RAP1GAP2: variants seen among roughly 807,000 people sequenced by gnomAD.
RAP1GAP2 encodes the protein RAP1 GTPase activating protein 2, also known as rap1 GTPase-activating protein 2.
In RAP1GAP2, 27 loss-of-function variants were observed where a neutral mutation model predicts 95.0. That is an observed-to-expected ratio of 0.28 (90% confidence interval 0.21 to 0.39). The LOEUF (loss-of-function observed/expected upper bound fraction) is 0.39. Ranked by LOEUF, RAP1GAP2 falls within the 10% of genes least tolerant of loss-of-function variation. RAP1GAP2 has a pLI of 1.00. For missense variants in RAP1GAP2, 771 were observed against 970.0 expected (o/e 0.79, Z 2.72); for synonymous variants, 373 against 380.9 (o/e 0.98, Z 0.24).
chr17:2,762,461 G>T (rs1202444822), intron 1 of RAP1GAP2, among the ~76,000 whole-genome samples: 2 of 144,242 alleles, frequency 1.4e-5, no homozygotes, highest in Non-Finnish European at 3.0e-5. Flanking sequence ...GCAGTGGCAC[G>T]ATCTCGGCTC....
intron 2 of RAP1GAP2, among the ~76,000 whole-genome samples, chr17:2,896,870 C>T (rs1018713441): frequency 5.9e-5 from 9 of 152,334 alleles, no homozygotes; most frequent in Non-Finnish European, 1.3e-4. Flanking sequence ...CTTGTGCCCA[C>T]GTGCAGCCAC....
At chr17:2,792,032 G>A (rs2068939002), upstream of RAP1GAP2, among the ~76,000 whole-genome samples, 2 of 152,010 alleles carry the variant, frequency 1.3e-5, no homozygotes. Context: ...GCTAATTTTT[G>A]TGTTTTTAGT....
At chr17:2,989,510 T>C in intron 11 of RAP1GAP2, among the ~76,000 whole-genome samples, 1 of 152,142 alleles carries the variant, frequency 6.6e-6, no homozygotes, top group Non-Finnish European at 1.5e-5. Context: ...TTTTTGCATT[T>C]TTAGTAGAGA....
intron 2 of RAP1GAP2, among the ~76,000 whole-genome samples, chr17:2,832,161 G>A (rs1349468954): frequency 2.2e-5 from 3 of 136,746 alleles, no homozygotes; most frequent in East Asian, 2.1e-4. Flanking sequence ...CTGAGATCAC[G>A]CCATTGCATT....
At chr17:2,894,895 G>A (rs952614665) in intron 2 of RAP1GAP2, among the ~76,000 whole-genome samples, 3 of 152,088 alleles carry the variant, frequency 2.0e-5, no homozygotes, top group East Asian at 1.9e-4. Context: ...CAGCCGCTCC[G>A]TTCTCTCTCT....
intron 17 of RAP1GAP2, among the ~76,000 whole-genome samples, chr17:3,014,362 G>A (rs1231529575): frequency 6.6e-6 from 1 of 152,130 alleles, no homozygotes; most frequent in Admixed American, 6.5e-5. Flanking sequence ...ATATGGAAAA[G>A]GTACAGTAAA....
intron 19 of RAP1GAP2, among the ~76,000 whole-genome samples, chr17:3,021,580 C>G (rs771427514): frequency 1.2e-4 from 19 of 152,046 alleles, no homozygotes; most frequent in South Asian, 8.3e-4. Flanking sequence ...GGACTACAGG[C>G]GCATGCCACC....
Position 3,017,493 on chromosome 17 carries a change from T to C in RAP1GAP2, c.1495-568T>C, listed in dbSNP as rs567019338. Among the ~76,000 whole-genome samples the C allele has an allele frequency of 2.0e-5, 3 of 152,296 alleles. No homozygotes were observed. The East Asian group carries it at 5.8e-4, about 29-fold the overall frequency. ...AGAGACCCTCACACACTTGCACCCATGGCCAGCATATTCCAAGTTGCCCAG... is the reference window on the plus strand; with the variant it reads ...AGAGACCCTCACACACTTGCACCCACGGCCAGCATATTCCAAGTTGCCCAG... On this transcript the variant is annotated intron_variant, in intron 17 of 24. Transcript: ENST00000254695.
At chr17:3,009,084 A>G (rs759654935) in intron 17 of RAP1GAP2, among the ~76,000 whole-genome samples, 2 of 152,106 alleles carry the variant, frequency 1.3e-5, no homozygotes, top group Admixed American at 1.3e-4. Context: ...GTGTAGGGCT[A>G]CACCCACCTC....
In RAP1GAP2 at chr17:3,029,307, A is replaced by G. The variant is rs1044230234; in HGVS notation, c.2108-1615A>G. On this transcript the variant is annotated intron_variant, in intron 22 of 24. Transcript: ENST00000254695. The surrounding 1 kb of genome is among the most constrained non-coding windows in gnomAD (Gnocchi z 4.4). ...GGACCTGGAGCGGGTCTGGTGACTT[A>G]TGGCCGGTGCTTCCCACACCACACG... 3.3e-5 allele frequency among the ~76,000 whole-genome samples: 5 copies of G among 152,160 alleles called. No individual in the cohort carries two copies. Among genetic ancestry groups the G allele is most frequent in the Non-Finnish European group, 7.3e-5 (5 of 68,040 alleles).
At chr17:2,824,508 C>T (rs150329880) in intron 2 of RAP1GAP2, among the ~76,000 whole-genome samples, 3,092 of 149,828 alleles carry the variant, frequency 0.021, 107 homozygotes, top group East Asian at 0.15. Context: ...TTTGGGAGGC[C>T]GAGGCGGGCA....
rs546243808 is a variant in RAP1GAP2, at chr17:2,894,766, A to G, written c.81-10518A>G. Among the ~76,000 whole-genome samples the G allele has an allele frequency of 3.9e-5, 6 of 152,008 alleles. 1 individual carries two copies. In the East Asian group the frequency reaches 9.7e-4, roughly 25 times the overall value. ...TTACTTTCTGTCACCAAGTCCTCTTAATTTTGCTCCCGAAATGCCTTATGA... is the reference window on the plus strand; with the variant it reads ...TTACTTTCTGTCACCAAGTCCTCTTGATTTTGCTCCCGAAATGCCTTATGA... On this transcript the variant is annotated intron_variant, in intron 2 of 24. Transcript: ENST00000254695.
At chr17:2,896,649 G>T (rs151149098) in intron 2 of RAP1GAP2, among the ~76,000 whole-genome samples, 47 of 152,332 alleles carry the variant, frequency 3.1e-4, no homozygotes, top group African/African-American at 1.1e-3. Flanking sequence ...GTGCACGAGG[G>T]GGCCCCAGGT....
At chr17:2,841,464 C>T (rs142974019) in intron 2 of RAP1GAP2, among the ~76,000 whole-genome samples, 6,104 of 151,728 alleles carry the variant, frequency 0.04, 371 homozygotes, top group African/African-American at 0.13. Flanking sequence ...CCACCACACG[C>T]GGCTAATTTT....
At position 2,866,570 on chromosome 17, in the gene RAP1GAP2, T is replaced by C. The variant is rs1434481676; in HGVS notation, c.81-38714T>C. On this transcript the variant is annotated intron_variant, in intron 2 of 24. Coordinates refer to ENST00000254695, the MANE Select transcript of RAP1GAP2 (RefSeq NM_015085.5). The surrounding 1 kb of genome is among the most constrained non-coding windows in gnomAD (Gnocchi z 4.0). The stretch of plus-strand genomic sequence containing the variant: ...AGTAGATAATACCCCCAAATGTCCC[T>C]TCTGATTGGTAATTTATTTTATTTA... 1.3e-5 allele frequency among the ~76,000 whole-genome samples: 2 copies of C among 152,208 alleles called. No individual in the cohort carries two copies. The highest frequency in any genetic ancestry group is 3.8e-4 in the East Asian group (2 of 5,196).
intron 1 of RAP1GAP2, among the ~76,000 whole-genome samples, chr17:2,781,644 C>CTGTGTGAGCACGTCTA (rs2068653795): frequency 6.8e-6 from 1 of 146,134 alleles, no homozygotes; most frequent in African/African-American, 2.6e-5. Context: ...GAGCACGTCT[C>CTGTGTGAGCACGTCTA]TGTGTGTGCA....
At chr17:2,802,748 T>C (rs998244204) in intron 2 of RAP1GAP2, among the ~76,000 whole-genome samples, 2 of 151,692 alleles carry the variant, frequency 1.3e-5, no homozygotes, top group Non-Finnish European at 2.9e-5. Flanking sequence ...CATGGAGTAG[T>C]CCCGAAAGGC....
chr17:2,957,651 C>T lies in RAP1GAP2; in HGVS notation c.166-108C>T, dbSNP rs930866803. The T allele has an allele frequency of 1.4e-4, 181 of 1,272,312 alleles. 1 individual carries two copies. In the Admixed American group the frequency reaches 4.0e-3, roughly 28 times the overall value. The allele number at this position is 1,272,312 out of a possible 1,614,324, so 78.8% of individuals were successfully genotyped here. A position where few individuals can be genotyped will look rare whatever the true frequency, so the allele number is the denominator to read the frequency against. ...CTGTTGATCCAAATGAATTTTGTCC[C>T]TGGGGAAGCCCCAGGCTCAGCTTCC... On this transcript the variant is annotated intron_variant, in intron 3 of 24. Transcript: ENST00000254695.
chr17:2,791,618 T>C (rs1035677628), upstream of RAP1GAP2, among the ~76,000 whole-genome samples: 1 of 152,078 alleles, frequency 6.6e-6, no homozygotes, highest in African/African-American at 2.4e-5. Context: ...ATCTGTAAAA[T>C]GGGATAACAG....
Sources: gnomAD v4.1 joint callset for allele counts (sites outside exome capture counted in the v4.1 genomes callset) on GRCh38, gnomAD v4.1.1 for gene constraint, Gnocchi (gnomAD v3.1) non-coding constraint, MANE v1.5 for transcripts, NCBI Gene and HGNC (gene_info 2026-07-23, HGNC 2026-07-21) for gene names.